The following SLC7A6 variants were observed in gnomAD, a reference collection of about 807,000 sequenced individuals.
SLC7A6 encodes Y+L amino acid transporter 2.
In SLC7A6, 29 loss-of-function variants were observed where a neutral mutation model predicts 46.6. The observed-to-expected ratio is 0.62, with a 90% CI of 0.46 to 0.85. The LOEUF (loss-of-function observed/expected upper bound fraction) is 0.85. SLC7A6 is among the 40% of genes least tolerant of loss of function. The probability of loss-of-function intolerance (pLI) is 0.00; values close to 1 mark genes in which losing one functional copy is unlikely to be tolerated. For synonymous variants in SLC7A6, 276 were observed against 257.3 expected (o/e 1.07, Z -0.70); for missense variants, 527 against 647.6 (o/e 0.81, Z 2.02).
At chr16:68,280,445 G>A (rs1409917609) in intron 3 of SLC7A6, among the ~76,000 whole-genome samples, 1 of 152,202 alleles carries the variant, frequency 6.6e-6, no homozygotes, top group Admixed American at 6.5e-5. Context: ...GGTTTGTGGT[G>A]TTGTAAATAA....
Position 68,301,265 on chromosome 16 carries a change from C to T in SLC7A6, c.*3937C>T. 6.2e-7 allele frequency: 1 copy of T among 1,613,874 alleles called. No individual in the cohort carries two copies. The highest frequency in any genetic ancestry group is 8.5e-7 in the Non-Finnish European group (1 of 1,179,822). On this transcript the variant is annotated 3_prime_UTR_variant, in exon 11 of 11. Coordinates refer to ENST00000219343, the MANE Select transcript of SLC7A6 (RefSeq NM_003983.6). ...GCATGTGGCAGAACCTCATGGACAT[C>T]ACAAGACCATCAGTCTGAATCCAGG...
intron 8 of SLC7A6, 124 bp downstream of exon 8, chr16:68,294,925 A>AT: frequency 1.6e-6 from 1 of 641,600 alleles, no homozygotes; most frequent in Non-Finnish European, 2.7e-6. Flanking sequence ...AAAACAGTTC[A>AT]TTTTTTGTTG....
rs2151236571 is a variant in SLC7A6 at position 68,299,349 on chromosome 16, T to G, written c.*2021T>G. The G allele has an allele frequency of 6.5e-6, 1 of 152,784 alleles. No homozygotes were observed. The highest frequency in any genetic ancestry group is 2.4e-5 in the African/African-American group (1 of 41,586). The allele number at this position is 152,784 out of a possible 1,614,324, so 9.5% of individuals were successfully genotyped here. ...TTCTAGGGAAAGCAAGGACCTCACA[T>G]GCCAGGTGCCCTAGTACTTGCTTAG... On this transcript the variant is annotated 3_prime_UTR_variant, in exon 11 of 11. Coordinates refer to ENST00000219343, the MANE Select transcript of SLC7A6 (RefSeq NM_003983.6).
At chr16:68,277,629 A>C (rs948955677) in intron 3 of SLC7A6, among the ~76,000 whole-genome samples, 1 of 149,296 alleles carries the variant, frequency 6.7e-6, no homozygotes, top group African/African-American at 2.5e-5. Flanking sequence ...TTTTTTAATT[A>C]AAAAAAATTT....
intron 4 of SLC7A6, among the ~76,000 whole-genome samples, chr16:68,289,651 AGAGGGTCTCT>A (rs1300463550): frequency 6.6e-6 from 1 of 152,192 alleles, no homozygotes; most frequent in Admixed American, 6.5e-5. Context: ...CAGTATGTCC[AGAGGGTCTCT>A]GATCTGGGTA....
intron 3 of SLC7A6, chr16:68,284,156 G>A (rs1022555701): frequency 6.6e-6 from 1 of 152,276 alleles, no homozygotes; most frequent in African/African-American, 2.4e-5. Flanking sequence ...TGTGCCCTAG[G>A]TGCCTCCTAG....
At chr16:68,288,669 T>G (rs1385911404) in intron 4 of SLC7A6, among the ~76,000 whole-genome samples, 1 of 152,128 alleles carries the variant, frequency 6.6e-6, no homozygotes, top group Admixed American at 6.5e-5. Context: ...AGCTGTGCTT[T>G]TAAGAATTGC....
chr16:68,273,432 G>A (rs1009040295), intron 2 of SLC7A6, among the ~76,000 whole-genome samples: 11 of 152,200 alleles, frequency 7.2e-5, no homozygotes, highest in African/African-American at 2.4e-4. Flanking sequence ...GATGAGATGG[G>A]ATCAAAGGAT....
intron 2 of SLC7A6, among the ~76,000 whole-genome samples, chr16:68,269,660 A>C (rs1301062949): frequency 6.6e-6 from 1 of 151,954 alleles, no homozygotes; most frequent in African/African-American, 2.4e-5. Flanking sequence ...AGGCTGAGGC[A>C]GGAGAATCCC....
At chr16:68,282,709 C>T (rs2042850994) in intron 3 of SLC7A6, among the ~76,000 whole-genome samples, 2 of 152,064 alleles carry the variant, frequency 1.3e-5, no homozygotes, top group African/African-American at 4.8e-5. Flanking sequence ...CCTCTGCCTC[C>T]CGGGTTCAAG....
At position 68,301,254 on chromosome 16, in the gene SLC7A6, C is replaced by T; in HGVS notation, c.*3926C>T. On this transcript the variant is annotated 3_prime_UTR_variant, in exon 11 of 11. Transcript: ENST00000219343. Reference sequence around the variant, plus strand: ...AGCCCTCAAGGGCATGTGGCAGAACCTCATGGACATCACAAGACCATCAGT... The same window carrying T: ...AGCCCTCAAGGGCATGTGGCAGAACTTCATGGACATCACAAGACCATCAGT... The T allele has an allele frequency of 6.2e-7, 1 of 1,612,378 alleles. No individual in the cohort carries two copies. The highest frequency in any genetic ancestry group is 8.5e-7 in the Non-Finnish European group (1 of 1,178,898).
intron 3 of SLC7A6, among the ~76,000 whole-genome samples, chr16:68,277,513 G>A (rs959427622): frequency 1.3e-5 from 2 of 151,788 alleles, no homozygotes; most frequent in African/African-American, 2.4e-5. Context: ...GGGTTTCACC[G>A]TGTTAGCCAG....
At chr16:68,278,652 C>G (rs1156423539) in intron 3 of SLC7A6, among the ~76,000 whole-genome samples, 4 of 152,140 alleles carry the variant, frequency 2.6e-5, no homozygotes, top group Non-Finnish European at 5.9e-5. Flanking sequence ...TCAACAGCAT[C>G]CCAAGGCAGA....
At chr16:68,295,608 G>T (rs888799804) in intron 8 of SLC7A6, among the ~76,000 whole-genome samples, 2 of 152,266 alleles carry the variant, frequency 1.3e-5, no homozygotes, top group Non-Finnish European at 2.9e-5. Context: ...TTAATACAGG[G>T]TTCTCCCTTA....
At chr16:68,280,163 G>A (rs2042803252) in intron 3 of SLC7A6, among the ~76,000 whole-genome samples, 1 of 152,208 alleles carries the variant, frequency 6.6e-6, no homozygotes, top group Non-Finnish European at 1.5e-5. Context: ...AAACCAATTA[G>A]GTTATTTAGG....
rs2043264375 is a variant in SLC7A6, at chr16:68,301,115, A to G, written c.*3787A>G. 1 of 1,361,718 alleles carries G rather than the reference A, an allele frequency of 7.3e-7. No homozygotes were observed. Among genetic ancestry groups the G allele is most frequent in the Admixed American group, 2.9e-5 (1 of 34,480 alleles). The allele number at this position is 1,361,718 out of a possible 1,614,324, so 84.4% of individuals were successfully genotyped here. A position where few individuals can be genotyped will look rare whatever the true frequency, so the allele number is the denominator to read the frequency against. Reference sequence around the variant, plus strand: ...GGAAAAGACTCACTCCCCTAACATAAGTTTTCACTGTGGTGGGATGGTGCC... The same window carrying G: ...GGAAAAGACTCACTCCCCTAACATAGGTTTTCACTGTGGTGGGATGGTGCC... On this transcript the variant is annotated 3_prime_UTR_variant, in exon 11 of 11. Transcript: ENST00000219343.
At chr16:68,275,300 A>G (rs770828051) in intron 3 of SLC7A6, 51 bp downstream of exon 3, 3 of 1,555,478 alleles carry the variant, frequency 1.9e-6, no homozygotes, top group Middle Eastern at 1.7e-4. Context: ...GGGTACTATA[A>G]TAACGGTACT....
intron 3 of SLC7A6, 133 bp from the exon 4 acceptor site, chr16:68,287,613 G>A (rs994014976): frequency 1.2e-5 from 18 of 1,519,488 alleles, no homozygotes; most frequent in African/African-American, 8.3e-5. Flanking sequence ...TTGCCAGTTC[G>A]CCTTGTTCTG....
chr16:68,272,077 A>G (rs988579822), intron 2 of SLC7A6, among the ~76,000 whole-genome samples: 5 of 152,170 alleles, frequency 3.3e-5, no homozygotes, highest in Admixed American at 6.5e-5. Flanking sequence ...TGCTGGGATT[A>G]CAGGCGTGAG....
Sources: gnomAD v4.1 joint callset for allele counts (sites outside exome capture counted in the v4.1 genomes callset) on GRCh38, gnomAD v4.1.1 for gene constraint, MANE v1.5 for transcripts, NCBI Gene and HGNC (gene_info 2026-07-23, HGNC 2026-07-21) for gene names.